CMC1: variants seen among roughly 807,000 people sequenced by gnomAD.
CMC1 encodes the protein COX assembly mitochondrial protein homolog.
In CMC1, 14 loss-of-function variants were observed where a neutral mutation model predicts 14.1. The ratio of observed to expected loss-of-function variants is 0.99; its 90% CI spans 0.66 to 1.55. CMC1 has a LOEUF of 1.55. Ranked by LOEUF, CMC1 falls within the 40% of genes most tolerant of loss-of-function variation. The probability of loss-of-function intolerance (pLI) is 0.00; values close to 1 mark genes in which losing one functional copy is unlikely to be tolerated. For missense variants in CMC1, 127 were observed against 123.8 expected, an observed-to-expected ratio of 1.03 and a Z score of -0.12; for synonymous variants, 50 against 38.4, an observed-to-expected ratio of 1.30 and a Z score of -1.12.
chr3:28,255,121 A>C (rs542936087), intron 1 of CMC1, among the ~76,000 whole-genome samples: 10 of 152,188 alleles, frequency 6.6e-5, no homozygotes, highest in African/African-American at 2.4e-4. Flanking sequence ...GTCCTCCTTG[A>C]ATCATCCCTT....
chr3:28,246,036 C>T (rs1698809084), intron 1 of CMC1, among the ~76,000 whole-genome samples: 2 of 151,876 alleles, frequency 1.3e-5, no homozygotes, highest in African/African-American at 4.8e-5. Flanking sequence ...CTCCTGGGCT[C>T]AAGTAATCTG....
chr3:28,278,013 A>G (rs1700669122), intron 2 of CMC1, among the ~76,000 whole-genome samples: 1 of 152,202 alleles, frequency 6.6e-6, no homozygotes, highest in Non-Finnish European at 1.5e-5. Flanking sequence ...TGGAATAGGG[A>G]CAAGGGGAGA....
At chr3:28,294,960 T>A (rs891376586) in intron 2 of CMC1, among the ~76,000 whole-genome samples, 3 of 150,224 alleles carry the variant, frequency 2.0e-5, no homozygotes, top group Non-Finnish European at 4.4e-5. Flanking sequence ...ATGCTTAGTT[T>A]ACAGTGCTGA....
Position 28,297,545 on chromosome 3 carries a change from A to G in CMC1, c.110-18788A>G, listed in dbSNP as rs998540119. Among the ~76,000 whole-genome samples the G allele has an allele frequency of 2.6e-5, 4 of 152,220 alleles. No individual in the cohort carries two copies. In the East Asian group the frequency reaches 7.7e-4, roughly 29 times the overall value. On this transcript the variant is annotated intron_variant, in intron 2 of 3. Coordinates refer to ENST00000466830, the MANE Select transcript of CMC1 (RefSeq NM_182523.2). ...GACAGCAGTTTTAATTGGAATAACC[A>G]CAAGTGTATAATTATTTTAGAGCTG...
chr3:28,300,086 TTCC>T lies in CMC1; in HGVS notation c.110-16242_110-16240del, dbSNP rs58664789. Reference sequence around the variant, plus strand: ...AAATTTAGTATAACATGTCTGTTATTTCCTCCTTTTTTTCCCTTAAAACTGAAA... The same window carrying T: ...AAATTTAGTATAACATGTCTGTTATTTCCTTTTTTTCCCTTAAAACTGAAA... On this transcript the variant is annotated intron_variant, in intron 2 of 3. Transcript: ENST00000466830. Among the ~76,000 whole-genome samples the T allele has an allele frequency of 6.9e-3, 1,052 of 152,330 alleles. 9 individuals carry two copies. Among genetic ancestry groups the T allele is most frequent in the African/African-American group, 0.023 (955 of 41,596 alleles).
rs1421865639 is a variant in CMC1, at chr3:28,278,087, A to G, written c.109+14707A>G. On this transcript the variant is annotated intron_variant, in intron 2 of 3. Transcript: ENST00000466830. Reference sequence around the variant, plus strand: ...TGATTGTGTGATTGATGTGATTGAGATACTCCAACTGACAGATGATGGTGG... The same window carrying G: ...TGATTGTGTGATTGATGTGATTGAGGTACTCCAACTGACAGATGATGGTGG... Among the ~76,000 whole-genome samples the G allele has an allele frequency of 6.0e-5, 6 of 100,204 alleles. No homozygotes were observed. In the Admixed American group the frequency reaches 6.0e-4, roughly 10 times the overall value. The allele number at this position is 100,204 out of a possible 152,430, so 65.7% of individuals were successfully genotyped here.
intron 2 of CMC1, among the ~76,000 whole-genome samples, chr3:28,306,644 ATT>A (rs201960912): frequency 1.3e-4 from 18 of 141,838 alleles, no homozygotes; most frequent in Non-Finnish European, 9.3e-5. Context: ...AAAATGAAGA[ATT>A]TTTTTTTTTT....
At chr3:28,315,027 T>G (rs1702823021) in intron 2 of CMC1, 1 of 152,180 alleles carries the variant, frequency 6.6e-6, no homozygotes, top group African/African-American at 2.4e-5. Flanking sequence ...ATTTTCATTT[T>G]TTTGCCTACA....
intron 2 of CMC1, among the ~76,000 whole-genome samples, chr3:28,307,762 A>G (rs1206678441): frequency 1.3e-5 from 2 of 152,202 alleles, no homozygotes; most frequent in African/African-American, 4.8e-5. Context: ...GTAACAAATT[A>G]TACAAACTTA....
intron 1 of CMC1, among the ~76,000 whole-genome samples, chr3:28,248,461 T>C (rs1489366979): frequency 6.6e-6 from 1 of 152,124 alleles, no homozygotes; most frequent in South Asian, 2.1e-4. Context: ...GGATGAGAAG[T>C]AGGGAAAGAG....
chr3:28,274,439 AC>A (rs921254855), intron 2 of CMC1, among the ~76,000 whole-genome samples: 1 of 151,742 alleles, frequency 6.6e-6, no homozygotes, highest in African/African-American at 2.4e-5. Flanking sequence ...GAATATTAGC[AC>A]CCAGTCTCTT....
intron 3 of CMC1, chr3:28,319,033 A>G (rs1447126036): frequency 8.8e-6 from 3 of 342,426 alleles, no homozygotes; most frequent in African/African-American, 4.3e-5. Flanking sequence ...AGTGGTACCT[A>G]TCTACTTGGC....
chr3:28,319,712 T>C lies in CMC1; in HGVS notation c.*83T>C, dbSNP rs1703125348. On this transcript the variant is annotated 3_prime_UTR_variant, in exon 4 of 4. Coordinates refer to ENST00000466830, the MANE Select transcript of CMC1 (RefSeq NM_182523.2). ...CTTAAATAATGGACTCAAGCATATA[T>C]GTTTGCTTTACCTTAATTATGGAAA... 2 of 1,099,914 alleles carry C rather than the reference T, an allele frequency of 1.8e-6. No homozygotes were observed. 68.1% of individuals were successfully genotyped at this position (1,099,914 alleles called of 1,614,324 possible). A position where few individuals can be genotyped will look rare whatever the true frequency, so the allele number is the denominator to read the frequency against.
intron 2 of CMC1, among the ~76,000 whole-genome samples, chr3:28,275,324 GT>G (rs1559416008): frequency 9.2e-6 from 1 of 108,456 alleles, no homozygotes. Flanking sequence ...ACTGTTAGTT[GT>G]TTGTTTTTTT....
chr3:28,311,416 C>T (rs1384610895), intron 2 of CMC1, among the ~76,000 whole-genome samples: 1 of 152,150 alleles, frequency 6.6e-6, no homozygotes, highest in Non-Finnish European at 1.5e-5. Context: ...TATATAAAGT[C>T]TGAACCTCAT....
intron 1 of CMC1, 97 bp downstream of exon 1, chr3:28,241,909 G>A (rs1268907628): frequency 3.4e-6 from 4 of 1,166,536 alleles, no homozygotes; most frequent in Non-Finnish European, 4.3e-6. Flanking sequence ...AAGGTGCAGA[G>A]CTCTGGGTAG....
intron 1 of CMC1, among the ~76,000 whole-genome samples, chr3:28,261,591 T>C (rs1699737715): frequency 6.6e-6 from 1 of 152,216 alleles, no homozygotes; most frequent in African/African-American, 2.4e-5. Flanking sequence ...ATTTTGGAAG[T>C]TGTGTTTAAA....
At chr3:28,292,293 A>G (rs1701511324) in intron 2 of CMC1, among the ~76,000 whole-genome samples, 1 of 149,588 alleles carries the variant, frequency 6.7e-6, no homozygotes, top group Non-Finnish European at 1.5e-5. Context: ...ATTGAGGAAG[A>G]GTTTAAGAGC....
intron 2 of CMC1, among the ~76,000 whole-genome samples, chr3:28,277,788 A>G (rs73822566): frequency 0.054 from 8,147 of 152,208 alleles, 695 homozygotes; most frequent in African/African-American, 0.17. Context: ...AGGGACACCA[A>G]AAAGGTCACT....
Sources: gnomAD v4.1 joint callset for allele counts (sites outside exome capture counted in the v4.1 genomes callset) on GRCh38, gnomAD v4.1.1 for gene constraint, MANE v1.5 for transcripts, NCBI Gene and HGNC (gene_info 2026-07-23, HGNC 2026-07-21) for gene names.